BTBD7: variants seen among roughly 807,000 people sequenced by gnomAD.
The protein encoded by BTBD7 is BTB domain containing 7.
Under a neutral mutation model 99.9 loss-of-function variants are expected in BTBD7, and 38 were observed. The ratio of observed to expected loss-of-function variants is 0.38; its 90% CI spans 0.29 to 0.50. The LOEUF is 0.50. Among genes scored for constraint, BTBD7 ranks in the 20% least tolerant of loss-of-function variants. The probability of loss-of-function intolerance (pLI) is 0.93; values close to 1 mark genes in which losing one functional copy is unlikely to be tolerated. For synonymous variants in BTBD7, 520 were observed against 511.4 expected (o/e 1.02, Z -0.23); for missense variants, 1,170 against 1,394.6 (o/e 0.84, Z 2.57).
At chr14:93,259,503 A>G (rs2052465525) in intron 5 of BTBD7, among the ~76,000 whole-genome samples, 1 of 152,168 alleles carries the variant, frequency 6.6e-6, no homozygotes, top group Non-Finnish European at 1.5e-5. Context: ...TTGTTGGGAG[A>G]CCAAGCTTTT....
intron 1 of BTBD7, among the ~76,000 whole-genome samples, chr14:93,328,432 T>C (rs2053358339): frequency 6.6e-6 from 1 of 151,988 alleles, no homozygotes; most frequent in Non-Finnish European, 1.5e-5. Flanking sequence ...TGGAATAGAA[T>C]ACACAGCCCA....
chr14:93,260,500 C>T (rs56352034), intron 5 of BTBD7, among the ~76,000 whole-genome samples: 2,121 of 152,214 alleles, frequency 0.014, 56 homozygotes, highest in African/African-American at 0.048. Context: ...TGCAGTGACC[C>T]CACTGGGAGG....
intron 9 of BTBD7, among the ~76,000 whole-genome samples, chr14:93,247,518 G>A (rs1325198642): frequency 6.6e-6 from 1 of 152,146 alleles, no homozygotes; most frequent in African/African-American, 2.4e-5. Flanking sequence ...GCTGATGTTT[G>A]CATTTTTAGT....
intron 6 of BTBD7, 47 bp from the exon 7 acceptor site, chr14:93,253,837 A>C (rs533707970): frequency 1.0e-4 from 89 of 853,156 alleles, no homozygotes; most frequent in Non-Finnish European, 1.3e-4. Flanking sequence ...TAGTACTATA[A>C]TACTACTAAG....
intron 7 of BTBD7, among the ~76,000 whole-genome samples, chr14:93,252,036 G>A (rs187211355): frequency 2.1e-3 from 321 of 152,230 alleles, no homozygotes; most frequent in African/African-American, 7.3e-3. Context: ...AGGGCCGGGC[G>A]TGGTGACTCA....
rs566067995 is a variant in BTBD7, at chr14:93,252,086, G to T, written c.1753-434C>A. ...GCACTTTGGGAGGCTGAGGTGGGTAGATCACCTGAGGTCATGAGTTCAAGA... is the reference window on the plus strand; with the variant it reads ...GCACTTTGGGAGGCTGAGGTGGGTATATCACCTGAGGTCATGAGTTCAAGA... On this transcript the variant is annotated intron_variant, in intron 7 of 10. Transcript: ENST00000334746. Among the ~76,000 whole-genome samples, 5 of 152,242 alleles carry T rather than the reference G, an allele frequency of 3.3e-5. 1 individual carries two copies. The South Asian group carries it at 1.0e-3, about 32-fold the overall frequency.
chr14:93,301,381 G>A (rs1226750467), intron 1 of BTBD7, among the ~76,000 whole-genome samples: 2 of 152,198 alleles, frequency 1.3e-5, no homozygotes, highest in East Asian at 3.9e-4. Context: ...AGTAAAGACA[G>A]GGTTTCACCA....
intron 1 of BTBD7, among the ~76,000 whole-genome samples, chr14:93,315,274 TTCAAG>T (rs148671051): frequency 0.012 from 1,884 of 152,310 alleles, 23 homozygotes; most frequent in Middle Eastern, 0.027. Context: ...TTATTATTGT[TTCAAG>T]TCATTTGGTA....
chr14:93,248,256 C>T (rs1020145521), intron 9 of BTBD7, among the ~76,000 whole-genome samples: 1 of 152,174 alleles, frequency 6.6e-6, no homozygotes, highest in African/African-American at 2.4e-5. Context: ...GCAGCAGAGC[C>T]GGGACTTAAA....
chr14:93,262,782 GT>G (rs11288675), intron 4 of BTBD7, among the ~76,000 whole-genome samples: 13,694 of 139,504 alleles, frequency 0.098, 1,475 homozygotes, highest in African/African-American at 0.28. Context: ...GCTGCTCTCT[GT>G]TTTTTTTTTT....
chr14:93,312,597 T>G (rs1378759577), intron 1 of BTBD7, among the ~76,000 whole-genome samples: 3 of 152,188 alleles, frequency 2.0e-5, no homozygotes, highest in Non-Finnish European at 4.4e-5. Flanking sequence ...CCTCCTTGTC[T>G]ATAAGGACAT....
At position 93,246,027 on chromosome 14, in the gene BTBD7, G is replaced by A. The variant is rs769760612; in HGVS notation, c.2381C>T (p.Ser794Phe). 1.9e-6 allele frequency: 3 copies of A among 1,612,554 alleles called. No homozygotes were observed. The highest frequency in any genetic ancestry group is 1.7e-6 in the Non-Finnish European group (2 of 1,179,796). ...GAACAGCGAATGATTACAGGGATAA[G>A]AAAATGAACGTGAAGGGTGCTGACT... ...PPSQHPSRSF[S>F]YPCNHSLFHS... The change falls in exon 10 of 11, where the codon TCT becomes TTT. Residue 794 changes from serine to phenylalanine, a missense_variant. Around this residue, in one of 4 missense-constraint regions of BTBD7, gnomAD observed 495 missense variants for 525.9 expected, o/e 0.94. Coordinates refer to ENST00000334746, the MANE Select transcript of BTBD7 (RefSeq NM_001002860.4).
chr14:93,280,118 G>A (rs2052701964), intron 3 of BTBD7, among the ~76,000 whole-genome samples: 1 of 152,148 alleles, frequency 6.6e-6, no homozygotes, highest in Non-Finnish European at 1.5e-5. Flanking sequence ...CTATTTTACT[G>A]TTCATACTTA....
In BTBD7 at chr14:93,242,123, C is replaced by A. The variant is rs2052237482; in HGVS notation, c.*150G>T. On this transcript the variant is annotated 3_prime_UTR_variant, in exon 11 of 11. Coordinates refer to ENST00000334746, the MANE Select transcript of BTBD7 (RefSeq NM_001002860.4). ...ACAAAACCTTCTTAGCATGCCATGT[C>A]TAATAAACACATATATACACAAAAA... 1.5e-6 allele frequency: 1 copy of A among 663,158 alleles called. No individual in the cohort carries two copies. Among genetic ancestry groups the A allele is most frequent in the Non-Finnish European group, 2.5e-6 (1 of 398,286 alleles). The allele number at this position is 663,158 out of a possible 1,614,324, so 41.1% of individuals were successfully genotyped here. A position where few individuals can be genotyped will look rare whatever the true frequency, so the allele number is the denominator to read the frequency against.
intron 1 of BTBD7, among the ~76,000 whole-genome samples, chr14:93,326,062 A>G (rs1357675132): frequency 6.6e-6 from 1 of 152,102 alleles, no homozygotes; most frequent in African/African-American, 2.4e-5. Flanking sequence ...AAAACAAAAA[A>G]CCACCACAGC....
intron 2 of BTBD7, among the ~76,000 whole-genome samples, 190 bp downstream of exon 2, chr14:93,295,780 T>C (rs1397166429): frequency 6.6e-6 from 1 of 152,218 alleles, no homozygotes; most frequent in African/African-American, 2.4e-5. Context: ...TCAATTGTGC[T>C]ACAAGTGGTT....
chr14:93,302,878 T>C (rs1490430783), intron 1 of BTBD7, among the ~76,000 whole-genome samples: 1 of 151,828 alleles, frequency 6.6e-6, no homozygotes, highest in African/African-American at 2.4e-5. Flanking sequence ...CCAGGCAAAG[T>C]GGTGTGTGCC....
chr14:93,270,221 G>C (rs2139719096), intron 3 of BTBD7, among the ~76,000 whole-genome samples: 2 of 152,124 alleles, frequency 1.3e-5, no homozygotes, highest in Non-Finnish European at 1.5e-5. Context: ...TCAGCCTCCT[G>C]AGTAGCTGGG....
chr14:93,262,209 T>C (rs189173081), intron 4 of BTBD7, among the ~76,000 whole-genome samples: 1 of 151,694 alleles, frequency 6.6e-6, no homozygotes, highest in Non-Finnish European at 1.5e-5. Flanking sequence ...CTTGACTCAC[T>C]GCAAGCTCCT....
Sources: allele counts gnomAD v4.1 joint callset (sites outside exome capture counted in the v4.1 genomes callset), GRCh38; gene constraint gnomAD v4.1.1; regional missense constraint gnomAD v4.1.1; transcripts MANE v1.5; gene names NCBI Gene and HGNC (gene_info 2026-07-23, HGNC 2026-07-21).